PTPRK: variants seen among roughly 807,000 people sequenced by gnomAD.
The protein encoded by PTPRK is receptor-type tyrosine-protein phosphatase kappa.
A neutral mutation model predicts 178.0 loss-of-function variants in PTPRK; 75 were observed. The observed-to-expected ratio is 0.42, with a 90% confidence interval of 0.35 to 0.51. The LOEUF (loss-of-function observed/expected upper bound fraction) is 0.51, where lower values mean the gene tolerates loss of function less well. Ranked by LOEUF, PTPRK falls within the 20% of genes least tolerant of loss-of-function variation. The pLI is 0.02. For synonymous variants in PTPRK, 637 were observed against 620.6 expected, an observed-to-expected ratio of 1.03 and a Z score of -0.39; for missense variants, 1,441 against 1,797.8, an observed-to-expected ratio of 0.80 and a Z score of 3.59.
At chr6:128,096,084 G>C (rs999053854) in intron 7 of PTPRK, among the ~76,000 whole-genome samples, 1 of 152,100 alleles carries the variant, frequency 6.6e-6, no homozygotes, top group Non-Finnish European at 1.5e-5. Flanking sequence ...ATAAAGAAAT[G>C]TCAGAAAATT....
chr6:128,149,568 T>C (rs151307523), intron 7 of PTPRK, among the ~76,000 whole-genome samples: 2 of 152,212 alleles, frequency 1.3e-5, no homozygotes, highest in African/African-American at 4.8e-5. Context: ...CACCTAATCT[T>C]GCTAAGGTTA....
At chr6:128,516,887 G>C (rs1203794651) in intron 1 of PTPRK, among the ~76,000 whole-genome samples, 1 of 151,710 alleles carries the variant, frequency 6.6e-6, no homozygotes, top group Non-Finnish European at 1.5e-5. Flanking sequence ...AGAAATGCCA[G>C]GAATGTTAAT....
intron 1 of PTPRK, among the ~76,000 whole-genome samples, chr6:128,501,749 T>A (rs1463427007): frequency 6.6e-6 from 1 of 152,214 alleles, no homozygotes; most frequent in Non-Finnish European, 1.5e-5. Flanking sequence ...TAATCAAAAG[T>A]AACTTTAGCT....
chr6:128,208,502 T>C (rs984577881), intron 6 of PTPRK, among the ~76,000 whole-genome samples: 1 of 152,024 alleles, frequency 6.6e-6, no homozygotes, highest in African/African-American at 2.4e-5. Flanking sequence ...CAAAATACAG[T>C]CAGGAATCTA....
intron 7 of PTPRK, among the ~76,000 whole-genome samples, chr6:128,124,163 C>T (rs1451843222): frequency 1.3e-5 from 2 of 151,994 alleles, no homozygotes; most frequent in African/African-American, 4.8e-5. Flanking sequence ...CCTGTGTCAG[C>T]TTCCCCAGTA....
At chr6:128,229,501 C>T (rs1811946787) in intron 5 of PTPRK, among the ~76,000 whole-genome samples, 1 of 152,102 alleles carries the variant, frequency 6.6e-6, no homozygotes, top group South Asian at 2.1e-4. Flanking sequence ...TCTCTCAGAA[C>T]CTGCATCGTT....
rs186379547 is a variant in PTPRK at position 128,015,847 on chromosome 6, C to A, written c.2195-6579G>T. On this transcript the variant is annotated intron_variant, in intron 13 of 29. Transcript: ENST00000368226. ...TTTACAAGATAATACCAAACTATTA[C>A]CAATTTACATACCCACCAGCAGCGT... 1.6e-3 allele frequency among the ~76,000 whole-genome samples: 243 copies of A among 151,834 alleles called. 1 individual carries two copies. Among genetic ancestry groups the A allele is most frequent in the Admixed American group, 3.3e-3 (50 of 15,174 alleles).
intron 1 of PTPRK, among the ~76,000 whole-genome samples, chr6:128,452,351 T>C (rs1481249863): frequency 6.6e-6 from 1 of 152,198 alleles, no homozygotes. Context: ...TTTCCCCAGT[T>C]AATAAGTTGC....
chr6:128,058,496 C>T (rs28874136), intron 13 of PTPRK, among the ~76,000 whole-genome samples: 1 of 152,010 alleles, frequency 6.6e-6, no homozygotes, highest in Admixed American at 6.6e-5. Flanking sequence ...TGGATTGTCT[C>T]TTGTCTCCTC....
At chr6:128,073,840 G>C (rs1052349370) in intron 11 of PTPRK, among the ~76,000 whole-genome samples, 1 of 151,942 alleles carries the variant, frequency 6.6e-6, no homozygotes, top group Non-Finnish European at 1.5e-5. Context: ...CCATAAAAGA[G>C]GGCAAAAAGA....
intron 5 of PTPRK, among the ~76,000 whole-genome samples, chr6:128,220,203 G>A (rs938361763): frequency 6.6e-6 from 1 of 152,102 alleles, no homozygotes; most frequent in South Asian, 2.1e-4. Flanking sequence ...TAAGTCATTT[G>A]TCAAGGAAAT....
intron 7 of PTPRK, among the ~76,000 whole-genome samples, chr6:128,135,078 T>TCACACACACACA (rs34254716): frequency 0.018 from 2,506 of 136,284 alleles, 66 homozygotes; most frequent in African/African-American, 0.05. Flanking sequence ...AATCATTCAA[T>TCACACACACACA]CACACACACA....
At chr6:128,371,888 A>AG (rs1458340184) in intron 2 of PTPRK, among the ~76,000 whole-genome samples, 7 of 151,944 alleles carry the variant, frequency 4.6e-5, no homozygotes, top group Non-Finnish European at 7.4e-5. Context: ...AAAAAAAAAA[A>AG]AAGAGAGAGA....
At chr6:128,171,064 A>C (rs1384106439) in intron 7 of PTPRK, among the ~76,000 whole-genome samples, 1 of 152,042 alleles carries the variant, frequency 6.6e-6, no homozygotes, top group Non-Finnish European at 1.5e-5. Context: ...ATAATGATGT[A>C]CCTTACAAAG....
At chr6:128,279,114 G>T (rs1821270753) in intron 3 of PTPRK, among the ~76,000 whole-genome samples, 1 of 151,798 alleles carries the variant, frequency 6.6e-6, no homozygotes, top group African/African-American at 2.4e-5. Context: ...TTATGTAGAG[G>T]CTCAGACTGT....
rs552429375 is a variant in PTPRK at position 128,018,626 on chromosome 6, C to G, written c.2195-9358G>C. On this transcript the variant is annotated intron_variant, in intron 13 of 29. Coordinates refer to ENST00000368226, the MANE Select transcript of PTPRK (RefSeq NM_002844.4). ...GTAAAATGGAGATTGAGTCTACCTT[C>G]TAGATTGACTCAAAGATTAAATGTA... 9.9e-5 allele frequency among the ~76,000 whole-genome samples: 15 copies of G among 151,990 alleles called. No individual in the cohort carries two copies. The East Asian group carries it at 1.7e-3, about 18-fold the overall frequency.
chr6:128,368,767 A>G (rs146845606), intron 2 of PTPRK, among the ~76,000 whole-genome samples: 18 of 152,274 alleles, frequency 1.2e-4, no homozygotes, highest in Admixed American at 1.1e-3. Context: ...ATGTCTGTAA[A>G]GTAAGGCATT....
Position 128,508,919 on chromosome 6 carries a change from C to T in PTPRK, c.100+11340G>A, listed in dbSNP as rs542289760. Reference sequence around the variant, plus strand: ...CCAAGATCATGCCACTGCACTCCAGCCTGAGCAATAAGTGCGAAACTCCAT... The same window carrying T: ...CCAAGATCATGCCACTGCACTCCAGTCTGAGCAATAAGTGCGAAACTCCAT... On this transcript the variant is annotated intron_variant, in intron 1 of 29. Transcript: ENST00000368226. Among the ~76,000 whole-genome samples the T allele has an allele frequency of 2.6e-4, 39 of 150,994 alleles. 1 individual carries two copies. In the South Asian group the frequency reaches 6.7e-3, roughly 26 times the overall value.
chr6:128,088,374 CA>C (rs111724466), intron 8 of PTPRK, among the ~76,000 whole-genome samples: 12,447 of 121,428 alleles, frequency 0.1, 818 homozygotes, highest in African/African-American at 0.21. Flanking sequence ...AAGACTGTTT[CA>C]AAAAAAAAAA....
Sources: allele counts gnomAD v4.1 joint callset (sites outside exome capture counted in the v4.1 genomes callset), GRCh38; gene constraint gnomAD v4.1.1; transcripts MANE v1.5; gene names NCBI Gene and HGNC (gene_info 2026-07-23, HGNC 2026-07-21).